The following NEO1 variants were observed in gnomAD, a reference collection of about 807,000 sequenced individuals.
NEO1 encodes neogenin.
In NEO1, 63 loss-of-function variants were observed where a neutral mutation model predicts 159.7. The observed-to-expected ratio is 0.39, with a 90% CI of 0.32 to 0.49. The LOEUF (loss-of-function observed/expected upper bound fraction) is 0.49. Ranked by LOEUF, NEO1 falls within the 20% of genes least tolerant of loss-of-function variation. The probability of loss-of-function intolerance (pLI) is 0.85; values close to 1 mark genes in which losing one functional copy is unlikely to be tolerated. For synonymous variants in NEO1, 633 were observed against 662.0 expected (o/e 0.96, Z 0.67); for missense variants, 1,615 against 1,831.0 (o/e 0.88, Z 2.15).
intron 7 of NEO1, among the ~76,000 whole-genome samples, chr15:73,234,523 T>C (rs1431635910): frequency 6.6e-6 from 1 of 152,180 alleles, no homozygotes; most frequent in African/African-American, 2.4e-5. Context: ...AGACAAACTC[T>C]GAAAGCTGTG....
chr15:73,281,109 A>G (rs1366021869), intron 22 of NEO1, among the ~76,000 whole-genome samples: 13 of 150,112 alleles, frequency 8.7e-5, no homozygotes, highest in Admixed American at 8.0e-4. Context: ...TCGGGAGGCT[A>G]AGGCAGGAGA....
intron 7 of NEO1, 46 bp downstream of exon 7, chr15:73,178,473 T>A: frequency 6.2e-7 from 1 of 1,606,498 alleles, no homozygotes; most frequent in Non-Finnish European, 8.5e-7. Flanking sequence ...GTGTGCTTGA[T>A]GAACAAGCAC....
chr15:73,251,468 T>G lies in NEO1; in HGVS notation c.1894+1747T>G, dbSNP rs116803614. On this transcript the variant is annotated intron_variant, in intron 11 of 28. Coordinates refer to ENST00000261908, the MANE Select transcript of NEO1 (RefSeq NM_002499.4). ...GGTCAAGGCTTCAGTGAGCTGTGAT[T>G]ACACCACTGCACTCCAGCCTGGATG... Among the ~76,000 whole-genome samples, 1,343 of 147,316 alleles carry G rather than the reference T, an allele frequency of 9.1e-3. 20 individuals carry two copies. Among genetic ancestry groups the G allele is most frequent in the African/African-American group, 0.032 (1,264 of 39,508 alleles).
At chr15:73,269,732 A>G (rs1326113558) in intron 16 of NEO1, among the ~76,000 whole-genome samples, 2 of 152,240 alleles carry the variant, frequency 1.3e-5, no homozygotes, top group South Asian at 2.1e-4. Context: ...ATACATTAAT[A>G]TAATCACTGG....
intron 1 of NEO1, among the ~76,000 whole-genome samples, chr15:73,078,072 G>T (rs567723531): frequency 2.0e-5 from 3 of 152,286 alleles, no homozygotes; most frequent in South Asian, 2.1e-4. Context: ...GTTTAGGGTG[G>T]TGATGTGAAG....
At chr15:73,069,134 T>G (rs1304499212) in intron 1 of NEO1, among the ~76,000 whole-genome samples, 3 of 149,388 alleles carry the variant, frequency 2.0e-5, no homozygotes, top group African/African-American at 7.5e-5. Context: ...TATTTTTTTT[T>G]TTTTTTTTTG....
At chr15:73,054,337 AAAT>A (rs2067602902) in intron 1 of NEO1, among the ~76,000 whole-genome samples, 1 of 152,208 alleles carries the variant, frequency 6.6e-6, no homozygotes, top group Non-Finnish European at 1.5e-5. Flanking sequence ...AGGATAATAA[AAAT>A]AATGCAAGCA....
intron 14 of NEO1, among the ~76,000 whole-genome samples, 155 bp from the exon 15 acceptor site, chr15:73,260,116 C>T (rs1453136493): frequency 7.0e-6 from 1 of 142,542 alleles, no homozygotes; most frequent in Non-Finnish European, 1.5e-5. Context: ...GGCTGTATTT[C>T]ACTATACATA....
At chr15:73,153,248 T>G (rs1199695086) in intron 5 of NEO1, among the ~76,000 whole-genome samples, 1 of 152,194 alleles carries the variant, frequency 6.6e-6, no homozygotes, top group Non-Finnish European at 1.5e-5. Context: ...GCTTTTCTCT[T>G]CTGGAAACAC....
chr15:73,094,000 T>G (rs1484678069), intron 1 of NEO1, among the ~76,000 whole-genome samples: 2 of 152,192 alleles, frequency 1.3e-5, no homozygotes, highest in Non-Finnish European at 2.9e-5. Context: ...AGACTCATCA[T>G]TTGTATTTCT....
At position 73,249,600 on chromosome 15, in the gene NEO1, T is replaced by C. The variant is rs1033443860; in HGVS notation, c.1773T>C (p.Ser591=). 1.9e-6 allele frequency: 3 copies of C among 1,602,660 alleles called. No individual in the cohort carries two copies. The highest frequency in any genetic ancestry group is 3.5e-5 in the Admixed American group (2 of 56,434). Residue 591 remains serine, a synonymous_variant, in exon 11 of 29, where the codon AGT becomes AGC. Coordinates refer to ENST00000261908, the MANE Select transcript of NEO1 (RefSeq NM_002499.4). ...TATTCAAGGATGTTGATGTTTCAAG[T>C]CACTCTTACACCATTAATGGGTTGA... is the stretch of plus-strand genomic sequence containing the variant. The part of the protein sequence containing the change: ...TDKEQDVDVS[S]HSYTINGLKK...
intron 7 of NEO1, among the ~76,000 whole-genome samples, chr15:73,213,939 T>C (rs1051763252): frequency 2.3e-4 from 35 of 152,292 alleles, no homozygotes; most frequent in Admixed American, 1.4e-3. Flanking sequence ...CTACTGTTTT[T>C]TGATTTTTTG....
chr15:73,122,811 A>AT lies in NEO1; in HGVS notation c.724+13dup, dbSNP rs754591213. On this transcript the variant is annotated intron_variant, in intron 3 of 28. Coordinates refer to ENST00000261908, the MANE Select transcript of NEO1 (RefSeq NM_002499.4). ...TGAAGGTTCTTCCAGGTATTAACTC[A>AT]TTATCAGGACTGATGGTTTTATGTT... 26 of 1,613,424 alleles carry AT rather than the reference A, an allele frequency of 1.6e-5. 1 individual carries two copies. Among genetic ancestry groups the AT allele is most frequent in the Non-Finnish European group, 2.1e-5 (25 of 1,179,514 alleles).
chr15:73,241,809 G>T (rs2039499158), intron 8 of NEO1, among the ~76,000 whole-genome samples: 1 of 152,100 alleles, frequency 6.6e-6, no homozygotes, highest in South Asian at 2.1e-4. Flanking sequence ...CAGACCAATA[G>T]TGTCAGATCA....
At chr15:73,295,421 C>T (rs559430036) in intron 26 of NEO1, among the ~76,000 whole-genome samples, 2 of 151,558 alleles carry the variant, frequency 1.3e-5, no homozygotes, top group Non-Finnish European at 2.9e-5. Flanking sequence ...ATGGCAGGCA[C>T]CTTCCAATCA....
intron 7 of NEO1, among the ~76,000 whole-genome samples, chr15:73,201,862 T>TTC (rs2036909489): frequency 6.6e-6 from 1 of 152,096 alleles, no homozygotes; most frequent in African/African-American, 2.4e-5. Context: ...CTGCTTTGTC[T>TTC]AGTATTAATA....
At chr15:73,254,578 CTA>C (rs1307049526) in intron 12 of NEO1, 102 bp from the exon 13 acceptor site, 3 of 1,214,810 alleles carry the variant, frequency 2.5e-6, no homozygotes, top group African/African-American at 3.0e-5. Flanking sequence ...CTTGCTGCCT[CTA>C]TGTTTTTTCT....
chr15:73,176,630 C>T, intron 6 of NEO1, 73 bp downstream of exon 6: 1 of 1,194,576 alleles, frequency 8.4e-7, no homozygotes, highest in South Asian at 1.7e-5. Context: ...ACCGAGAGAT[C>T]AGTTATCTTA....
intron 2 of NEO1, 146 bp downstream of exon 2, chr15:73,117,003 G>A (rs144946985): frequency 3.3e-4 from 213 of 636,846 alleles, no homozygotes; most frequent in African/African-American, 3.3e-3. Flanking sequence ...TATACTCTGC[G>A]TATGGGACCT....
Sources: allele counts gnomAD v4.1 joint callset (sites outside exome capture counted in the v4.1 genomes callset), GRCh38; gene constraint gnomAD v4.1.1; transcripts MANE v1.5; gene names NCBI Gene and HGNC (gene_info 2026-07-23, HGNC 2026-07-21).